INPP4A: variants seen among roughly 807,000 people sequenced by gnomAD.
INPP4A encodes inositol polyphosphate-4-phosphatase type I A.
INPP4A carries 33 observed loss-of-function variants against 119.8 expected under a neutral mutation model. That is an observed-to-expected ratio of 0.28 (90% CI 0.21 to 0.37). The LOEUF (loss-of-function observed/expected upper bound fraction) is 0.37, where lower values mean the gene tolerates loss of function less well. Among genes scored for constraint, INPP4A ranks in the 10% least tolerant of loss-of-function variants. The probability of loss-of-function intolerance (pLI) is 1.00; values close to 1 mark genes in which losing one functional copy is unlikely to be tolerated. For missense variants in INPP4A, 956 were observed against 1,289.9 expected (o/e 0.74, Z 3.97); for synonymous variants, 496 against 500.7 (o/e 0.99, Z 0.12).
At chr2:98,515,419 A>G (rs575540900) in intron 1 of INPP4A, among the ~76,000 whole-genome samples, 4 of 139,602 alleles carry the variant, frequency 2.9e-5, no homozygotes, top group Admixed American at 1.4e-4. Context: ...AGTGACAGCA[A>G]TAGGCTGTGG....
Position 98,482,904 on chromosome 2 carries a change from A to G in INPP4A, c.-165-36060A>G, listed in dbSNP as rs191588833. ...AACCTGACACTTTTTTAGCACTGAC[A>G]TGACCTTCAGAGGAAATGCTTATTG... is the stretch of plus-strand genomic sequence containing the variant. On this transcript the variant is annotated intron_variant, in intron 1 of 24. Coordinates refer to ENST00000409851, the MANE Select transcript of INPP4A (RefSeq NM_001134225.2). Among the ~76,000 whole-genome samples the G allele has an allele frequency of 9.2e-5, 14 of 152,356 alleles. No individual in the cohort carries two copies. The East Asian group carries it at 2.7e-3, about 29-fold the overall frequency.
Position 98,566,406 on chromosome 2 carries a change from A to T in INPP4A, c.2420+237A>T, listed in dbSNP as rs954380461. ...GCTGGTGGGAGAGAGAGAGACATGGATGCAATGATGAAGACAGATACAGGG... is the reference window on the plus strand; with the variant it reads ...GCTGGTGGGAGAGAGAGAGACATGGTTGCAATGATGAAGACAGATACAGGG... On this transcript the variant is annotated intron_variant, in intron 21 of 24. Coordinates refer to ENST00000409851, the MANE Select transcript of INPP4A (RefSeq NM_001134225.2). This position sits in a 1 kb window ranked among gnomAD's most constrained non-coding sequence, Gnocchi z 4.2. Among the ~76,000 whole-genome samples, 2 of 152,072 alleles carry T rather than the reference A, an allele frequency of 1.3e-5. No homozygotes were observed. The highest frequency in any genetic ancestry group is 2.9e-5 in the Non-Finnish European group (2 of 68,014).
At chr2:98,577,410 G>C (rs1698612976) in intron 24 of INPP4A, among the ~76,000 whole-genome samples, 1 of 152,248 alleles carries the variant, frequency 6.6e-6, no homozygotes, top group Non-Finnish European at 1.5e-5. Context: ...GGCAAGCCAC[G>C]GGTCAGGCAG....
intron 16 of INPP4A, among the ~76,000 whole-genome samples, chr2:98,556,778 C>T: frequency 6.6e-6 from 1 of 152,230 alleles, no homozygotes; most frequent in African/African-American, 2.4e-5. Context: ...GTAAGATGCC[C>T]TTTGCCTCTT....
intron 21 of INPP4A, among the ~76,000 whole-genome samples, chr2:98,567,782 T>TG (rs1477189309): frequency 6.6e-6 from 1 of 152,130 alleles, no homozygotes; most frequent in African/African-American, 2.4e-5. Flanking sequence ...GAGTCAGGGA[T>TG]GGCCCCCAAG....
At chr2:98,534,535 C>T (rs914866411) in intron 5 of INPP4A, among the ~76,000 whole-genome samples, 4 of 152,174 alleles carry the variant, frequency 2.6e-5, no homozygotes, top group South Asian at 2.1e-4. Flanking sequence ...GGTAGCCAGT[C>T]GGGGGACTCC....
rs188965454 is a variant in INPP4A, at chr2:98,485,343, T to C, written c.-165-33621T>C. The stretch of plus-strand genomic sequence containing the variant: ...TGAAAAGGCAGGATGCCAAATCTTG[T>C]GTACTTGCTGATCTTATCTGTGTAG... On this transcript the variant is annotated intron_variant, in intron 1 of 24. Coordinates refer to ENST00000409851, the MANE Select transcript of INPP4A (RefSeq NM_001134225.2). Among the ~76,000 whole-genome samples the C allele has an allele frequency of 1.1e-3, 160 of 152,376 alleles. 3 individuals carry two copies. The East Asian group carries it at 0.025, about 24-fold the overall frequency.
chr2:98,533,187 C>T (rs1285927516), intron 4 of INPP4A, among the ~76,000 whole-genome samples, 190 bp from the exon 5 acceptor site: 4 of 152,182 alleles, frequency 2.6e-5, no homozygotes, highest in East Asian at 1.9e-4. Flanking sequence ...TGGAGGGTGG[C>T]GGGGAGGGGG....
intron 1 of INPP4A, among the ~76,000 whole-genome samples, chr2:98,470,828 C>T (rs1051821357): frequency 7.2e-5 from 11 of 152,000 alleles, no homozygotes; most frequent in East Asian, 1.9e-4. Context: ...CCACCACGCC[C>T]GGCTAATTTT....
Position 98,591,170 on chromosome 2 carries a change from T to G in INPP4A, c.*3562T>G, listed in dbSNP as rs1467858178. On this transcript the variant is annotated 3_prime_UTR_variant, in exon 25 of 25. Coordinates refer to ENST00000409851, the MANE Select transcript of INPP4A (RefSeq NM_001134225.2). Reference sequence around the variant, plus strand: ...GCTTGTTCTGAAATGGAGTCCTGGCTTCACCATGGAAGGTGGGACATATGG... The same window carrying G: ...GCTTGTTCTGAAATGGAGTCCTGGCGTCACCATGGAAGGTGGGACATATGG... The G allele has an allele frequency of 1.7e-5, 3 of 180,260 alleles. No homozygotes were observed. Among genetic ancestry groups the G allele is most frequent in the Non-Finnish European group, 3.6e-5 (3 of 84,418 alleles). 11.2% of individuals were successfully genotyped at this position (180,260 alleles called of 1,614,324 possible).
rs2106098651 is a variant in INPP4A, at chr2:98,545,972, C to T, written c.953C>T (p.Pro318Leu). 3 of 1,584,898 alleles carry T rather than the reference C, an allele frequency of 1.9e-6. No individual in the cohort carries two copies. The highest frequency in any genetic ancestry group is 4.6e-5 in the East Asian group (2 of 43,868). Residue 318 changes from proline to leucine, a missense_variant, in exon 12 of 25, where the codon CCC becomes CTC. Pro to Leu is a moderately conservative substitution (Grantham distance 98). This residue lies in a region of INPP4A where 652 missense variants were observed against 797.9 expected (regional missense o/e 0.82). Coordinates refer to ENST00000409851, the MANE Select transcript of INPP4A (RefSeq NM_001134225.2). ...NLTDLHQYRG[P>L]SFKASSLKAD... ...CTTCTCCTATTCCATTTCTTAGGGC[C>T]CTCGTTTAAAGCAAGCAGTTTGAAA...
intron 4 of INPP4A, among the ~76,000 whole-genome samples, chr2:98,523,092 G>A (rs115641424): frequency 1.4e-3 from 210 of 152,270 alleles, no homozygotes; most frequent in African/African-American, 4.6e-3. Flanking sequence ...AGAGAGAAGT[G>A]GAAGGAATCC....
At chr2:98,465,112 TGC>T (rs1674473770) in intron 1 of INPP4A, among the ~76,000 whole-genome samples, 2 of 152,240 alleles carry the variant, frequency 1.3e-5, no homozygotes, top group Non-Finnish European at 2.9e-5. Flanking sequence ...TTCCTGTGGT[TGC>T]TGTAACAAAC....
intron 1 of INPP4A, among the ~76,000 whole-genome samples, chr2:98,487,000 C>A (rs1421201284): frequency 6.6e-6 from 1 of 152,218 alleles, no homozygotes; most frequent in Non-Finnish European, 1.5e-5. Flanking sequence ...GGAAAAAAAG[C>A]AAAGACTAGT....
chr2:98,465,866 G>A (rs1463783733), intron 1 of INPP4A, among the ~76,000 whole-genome samples: 1 of 152,090 alleles, frequency 6.6e-6, no homozygotes, highest in African/African-American at 2.4e-5. Context: ...CAGTACTTGA[G>A]CAGACGGTGG....
At chr2:98,478,407 C>T (rs1677700971) in intron 1 of INPP4A, among the ~76,000 whole-genome samples, 2 of 152,206 alleles carry the variant, frequency 1.3e-5, no homozygotes, top group Non-Finnish European at 2.9e-5. Flanking sequence ...CTCTGCCGAT[C>T]TGAGGTCCAG....
chr2:98,468,245 T>G (rs11888595), intron 1 of INPP4A, among the ~76,000 whole-genome samples: 36,968 of 152,088 alleles, frequency 0.24, 4,644 homozygotes, highest in Middle Eastern at 0.35. Context: ...ATTGATTGAT[T>G]GATTGATTGA....
intron 4 of INPP4A, among the ~76,000 whole-genome samples, chr2:98,529,154 C>G (rs1688728711): frequency 6.6e-6 from 1 of 151,230 alleles, no homozygotes; most frequent in African/African-American, 2.4e-5. Context: ...TGTGTTTATA[C>G]AATTGAATGT....
chr2:98,575,789 G>A (rs1698320874), intron 23 of INPP4A, among the ~76,000 whole-genome samples: 2 of 152,146 alleles, frequency 1.3e-5, no homozygotes, highest in Non-Finnish European at 2.9e-5. Flanking sequence ...CAGATACCCG[G>A]AGCCCACCAT....
Sources: allele counts gnomAD v4.1 joint callset (sites outside exome capture counted in the v4.1 genomes callset), GRCh38; gene constraint gnomAD v4.1.1; regional missense constraint gnomAD v4.1.1; non-coding constraint Gnocchi (gnomAD v3.1); transcripts MANE v1.5; gene names NCBI Gene and HGNC (gene_info 2026-07-23, HGNC 2026-07-21).